Variants in KCNIP4 observed in about 807,000 individuals in gnomAD.
The protein encoded by KCNIP4 is Kv channel-interacting protein 4.
In KCNIP4, 12 loss-of-function variants were observed where a neutral mutation model predicts 34.0. That is an observed-to-expected ratio of 0.35 (90% CI 0.23 to 0.57). The LOEUF is 0.57. Among genes scored for constraint, KCNIP4 ranks in the 20% least tolerant of loss-of-function variants. The probability of loss-of-function intolerance (pLI) is 0.83; values close to 1 mark genes in which losing one functional copy is unlikely to be tolerated. For missense variants in KCNIP4, 238 were observed against 311.7 expected (o/e 0.76, Z 1.78); for synonymous variants, 124 against 102.2 (o/e 1.21, Z -1.29).
At chr4:20,764,932 T>G (rs1755266904) in intron 3 of KCNIP4, among the ~76,000 whole-genome samples, 1 of 152,216 alleles carries the variant, frequency 6.6e-6, no homozygotes, top group African/African-American at 2.4e-5. Flanking sequence ...TTCCTTCTTA[T>G]GCAGACCATT....
rs143153201 is a variant in KCNIP4 at position 21,052,090 on chromosome 4, T to C, written c.62-169381A>G. ...TCTGCAATATTGTTTTTTCTAACTT[T>C]GTCCCTTGTTTTTTGTCTGTTCCTA... On this transcript the variant is annotated intron_variant, in intron 1 of 8. Transcript: ENST00000382152. Among the ~76,000 whole-genome samples, 591 of 152,320 alleles carry C rather than the reference T, an allele frequency of 3.9e-3. 5 individuals are homozygous for C. The highest frequency in any genetic ancestry group is 0.011 in the African/African-American group (465 of 41,574).
chr4:21,737,080 A>C (rs1222625542), intron 1 of KCNIP4, among the ~76,000 whole-genome samples: 3 of 152,180 alleles, frequency 2.0e-5, no homozygotes, highest in African/African-American at 7.2e-5. Context: ...TGAGGGACAG[A>C]AACCAAGACT....
chr4:21,312,581 G>A (rs896640398), intron 1 of KCNIP4, among the ~76,000 whole-genome samples: 11 of 152,136 alleles, frequency 7.2e-5, no homozygotes, highest in African/African-American at 2.7e-4. Context: ...GGTTCCTTCG[G>A]TTTCTCATAC....
intron 1 of KCNIP4, among the ~76,000 whole-genome samples, chr4:21,040,897 A>G (rs1741896470): frequency 6.7e-6 from 1 of 149,994 alleles, no homozygotes; most frequent in Admixed American, 6.7e-5. Context: ...TTATTACATT[A>G]TTTTGGTTAA....
At chr4:20,842,650 T>C (rs1287975850) in intron 3 of KCNIP4, among the ~76,000 whole-genome samples, 2 of 150,170 alleles carry the variant, frequency 1.3e-5, no homozygotes, top group Non-Finnish European at 2.9e-5. Flanking sequence ...CTGGTTTCTA[T>C]TTGTTCTTTA....
chr4:21,411,897 TA>T, intron 1 of KCNIP4, among the ~76,000 whole-genome samples: 1 of 152,276 alleles, frequency 6.6e-6, no homozygotes, highest in African/African-American at 2.4e-5. Context: ...TCATTCACAT[TA>T]AGTAGTTAAA....
rs1182950604 is a variant in KCNIP4 at position 21,390,998 on chromosome 4, T to C, written c.62-508289A>G. 2.6e-5 allele frequency among the ~76,000 whole-genome samples: 4 copies of C among 152,174 alleles called. No individual in the cohort carries two copies. In the East Asian group the frequency reaches 5.8e-4, roughly 22 times the overall value. On this transcript the variant is annotated intron_variant, in intron 1 of 8. Transcript: ENST00000382152. ...TTGTTATTATCATTGTTTTTTATTA[T>C]AGCCATCCTAGTGTGTGTGAAGTGG... is the stretch of plus-strand genomic sequence containing the variant.
intron 1 of KCNIP4, among the ~76,000 whole-genome samples, chr4:21,181,476 C>T (rs887511070): frequency 1.3e-5 from 2 of 152,120 alleles, no homozygotes; most frequent in Admixed American, 6.6e-5. Context: ...ATTGCACTGA[C>T]TTTCAGGATC....
intron 1 of KCNIP4, among the ~76,000 whole-genome samples, chr4:21,579,446 T>C (rs1741030234): frequency 6.6e-6 from 1 of 152,226 alleles, no homozygotes; most frequent in South Asian, 2.1e-4. Flanking sequence ...ATGTTAAAAA[T>C]TGATTTAATC....
chr4:21,835,807 T>C (rs1723283362), intron 1 of KCNIP4, among the ~76,000 whole-genome samples: 1 of 152,142 alleles, frequency 6.6e-6, no homozygotes, highest in Non-Finnish European at 1.5e-5. Flanking sequence ...ACAGAATGGA[T>C]AAATCAAATG....
In KCNIP4 at chr4:21,495,462, G is replaced by A. The variant is rs139424613; in HGVS notation, c.61+453109C>T. On this transcript the variant is annotated intron_variant, in intron 1 of 8. Coordinates refer to ENST00000382152, the MANE Select transcript of KCNIP4 (RefSeq NM_025221.6). ...CCAATCTTTGTGAGAATTGGAGGAG[G>A]GCAGGAGTCTGGATCAAACAAGGAT... Among the ~76,000 whole-genome samples the A allele has an allele frequency of 9.8e-4, 149 of 152,150 alleles. 1 individual carries two copies. The highest frequency in any genetic ancestry group is 7.1e-4 in the Non-Finnish European group (48 of 68,020).
At chr4:21,442,759 T>C (rs565452890) in intron 1 of KCNIP4, among the ~76,000 whole-genome samples, 27 of 152,324 alleles carry the variant, frequency 1.8e-4, no homozygotes, top group African/African-American at 6.3e-4. Flanking sequence ...TCATTACTTA[T>C]TATCTTGATG....
intron 5 of KCNIP4, among the ~76,000 whole-genome samples, chr4:20,735,530 G>GTTT (rs10542507): frequency 5.5e-5 from 6 of 109,714 alleles, no homozygotes; most frequent in Non-Finnish European, 9.0e-5. Flanking sequence ...TTTTTTTTTT[G>GTTT]TTTTTTTTTT....
chr4:20,917,094 G>A (rs371220782), intron 1 of KCNIP4, among the ~76,000 whole-genome samples: 1 of 143,536 alleles, frequency 7.0e-6, no homozygotes, highest in South Asian at 2.3e-4. Flanking sequence ...CTGGAGTGCG[G>A]TGGCACAATC....
rs1050917170 is a variant in KCNIP4 at position 20,916,027 on chromosome 4, T to A, written c.62-33318A>T. ...GGCTGGAAAAGGGGAATAAATTTTA[T>A]GATGCCCCAAAATGCATATTTTTGA... On this transcript the variant is annotated intron_variant, in intron 1 of 8. Coordinates refer to ENST00000382152, the MANE Select transcript of KCNIP4 (RefSeq NM_025221.6). 5.6e-4 allele frequency among the ~76,000 whole-genome samples: 86 copies of A among 152,222 alleles called. 1 individual carries two copies. The highest frequency in any genetic ancestry group is 2.0e-4 in the Admixed American group (3 of 15,274).
intron 1 of KCNIP4, among the ~76,000 whole-genome samples, chr4:21,947,307 C>T (rs971439712): frequency 2.0e-5 from 3 of 152,136 alleles, no homozygotes; most frequent in African/African-American, 7.2e-5. Context: ...ATGCTTGGCT[C>T]GTAATGAGTG....
intron 1 of KCNIP4, among the ~76,000 whole-genome samples, chr4:21,423,956 C>T (rs1270216285): frequency 5.3e-5 from 8 of 150,994 alleles, no homozygotes; most frequent in African/African-American, 7.3e-5. Context: ...TACAGGCGCG[C>T]GCCACCATGC....
intron 1 of KCNIP4, among the ~76,000 whole-genome samples, chr4:21,742,803 C>T (rs1716505321): frequency 6.6e-6 from 1 of 151,640 alleles, no homozygotes; most frequent in African/African-American, 2.4e-5. Flanking sequence ...TGAGGCCCAG[C>T]AGAATAGGGA....
chr4:21,751,995 CAA>C (rs1320517263), intron 1 of KCNIP4, among the ~76,000 whole-genome samples: 1 of 152,152 alleles, frequency 6.6e-6, no homozygotes, highest in Non-Finnish European at 1.5e-5. Context: ...CAAGACGCAT[CAA>C]AAGTTATAGA....
Sources: allele counts gnomAD v4.1 joint callset (sites outside exome capture counted in the v4.1 genomes callset), GRCh38; gene constraint gnomAD v4.1.1; transcripts MANE v1.5; gene names NCBI Gene and HGNC (gene_info 2026-07-23, HGNC 2026-07-21).